The following NRIP1 variants were observed in gnomAD, a reference collection of about 807,000 sequenced individuals.
NRIP1 encodes the protein nuclear receptor-interacting protein 1.
In NRIP1, 28 loss-of-function variants were observed where a neutral mutation model predicts 75.0. That is an observed-to-expected ratio of 0.37 (90% CI 0.28 to 0.51). NRIP1 has a LOEUF of 0.51. Ranked by LOEUF, NRIP1 falls within the 20% of genes least tolerant of loss-of-function variation. The pLI is 0.92. For synonymous variants in NRIP1, 526 were observed against 487.6 expected (o/e 1.08, Z -1.04); for missense variants, 1,435 against 1,343.7 (o/e 1.07, Z -1.06).
intron 2 of NRIP1, among the ~76,000 whole-genome samples, chr21:15,041,531 T>A (rs2088954518): frequency 6.6e-6 from 1 of 152,170 alleles, no homozygotes; most frequent in Non-Finnish European, 1.5e-5. Flanking sequence ...TATGATTTCT[T>A]TTCAAAATAA....
chr21:15,052,148 C>T (rs2823026), intron 1 of NRIP1: 23,553 of 152,038 alleles, frequency 0.15, 2,278 homozygotes, highest in East Asian at 0.27. Flanking sequence ...TTCGAAGTAA[C>T]GCTGATACTG....
intron 3 of NRIP1, among the ~76,000 whole-genome samples, chr21:14,976,198 CTTTAAAG>C (rs2087062448): frequency 6.6e-6 from 1 of 151,904 alleles, no homozygotes; most frequent in South Asian, 2.1e-4. Flanking sequence ...CATAAAAATC[CTTTAAAG>C]TTTATAAAGT....
chr21:14,982,719 G>GTTTTTTTTTTT (rs10537533), intron 3 of NRIP1, among the ~76,000 whole-genome samples: 1 of 130,006 alleles, frequency 7.7e-6, no homozygotes. Flanking sequence ...TTTTTTTTTT[G>GTTTTTTTTTTT]TTTTTTTTTT....
chr21:15,038,826 C>A lies in NRIP1; in HGVS notation c.-458+4669G>T, dbSNP rs943205570. ...TCTTCTCCATGCATTCAATAAATAA[C>A]TAGTCTATAAACAGGTATGTCCTCC... On this transcript the variant is annotated intron_variant, in intron 2 of 3. Transcript: ENST00000318948. Among the ~76,000 whole-genome samples, 7 of 151,962 alleles carry A rather than the reference C, an allele frequency of 4.6e-5. No homozygotes were observed. The East Asian group carries it at 7.7e-4, about 17-fold the overall frequency.
intron 3 of NRIP1, among the ~76,000 whole-genome samples, chr21:14,978,642 A>G (rs1249622187): frequency 6.6e-6 from 1 of 152,216 alleles, no homozygotes; most frequent in Non-Finnish European, 1.5e-5. Context: ...CTGGTGACAG[A>G]AAGAAACACC....
chr21:14,983,092 T>C (rs2087291031), intron 3 of NRIP1, among the ~76,000 whole-genome samples: 2 of 152,150 alleles, frequency 1.3e-5, no homozygotes, highest in Non-Finnish European at 2.9e-5. Context: ...TCTGTGTGTT[T>C]TGCATGTCTC....
chr21:14,981,707 A>C (rs2087240244), intron 3 of NRIP1, among the ~76,000 whole-genome samples: 2 of 152,242 alleles, frequency 1.3e-5, no homozygotes, highest in Admixed American at 6.5e-5. Context: ...ATTTAATAAA[A>C]TTAAATCACT....
intron 2 of NRIP1, among the ~76,000 whole-genome samples, chr21:15,039,183 TC>T: frequency 6.6e-6 from 1 of 152,130 alleles, no homozygotes; most frequent in Admixed American, 6.5e-5. Flanking sequence ...GAAATGATTT[TC>T]TTTTCTTACT....
At chr21:15,030,858 C>CTCTGGAAGGTGTTCAGAGGTTCACCACA (rs2088635270) in intron 2 of NRIP1, among the ~76,000 whole-genome samples, 1 of 80,650 alleles carries the variant, frequency 1.2e-5, no homozygotes, top group Admixed American at 1.3e-4. Flanking sequence ...GGATCACTAC[C>CTCTGGAAGGTGTTCAGAGGTTCACCACA]TTCCCCTTCT....
intron 2 of NRIP1, among the ~76,000 whole-genome samples, chr21:15,024,584 G>C (rs1398250840): frequency 2.0e-5 from 3 of 151,420 alleles, no homozygotes; most frequent in Non-Finnish European, 2.9e-5. Flanking sequence ...GTGTGTGTGT[G>C]TGTGTGTGTG....
Position 14,963,474 on chromosome 21 carries a change from T to G in NRIP1, c.*1242A>C, listed in dbSNP as rs2086642326. The G allele has an allele frequency of 6.6e-6, 1 of 152,556 alleles. No individual in the cohort carries two copies. Among genetic ancestry groups the G allele is most frequent in the South Asian group, 2.1e-4 (1 of 4,824 alleles). The allele number at this position is 152,556 out of a possible 1,614,324, so 9.5% of individuals were successfully genotyped here. ...GTCATAAAAAGTGTTCTGAACCCGA[T>G]TTCCAAAGACATAACGGTAATATAT... On this transcript the variant is annotated 3_prime_UTR_variant, in exon 4 of 4. Coordinates refer to ENST00000318948, the MANE Select transcript of NRIP1 (RefSeq NM_003489.4).
intron 2 of NRIP1, among the ~76,000 whole-genome samples, chr21:15,031,777 A>G (rs2088701359): frequency 7.1e-6 from 1 of 141,418 alleles, no homozygotes; most frequent in African/African-American, 2.7e-5. Context: ...ATGTGTATAC[A>G]CTCTGGAAGG....
At chr21:14,990,601 C>T (rs2087542605) in intron 3 of NRIP1, among the ~76,000 whole-genome samples, 1 of 152,098 alleles carries the variant, frequency 6.6e-6, no homozygotes, top group South Asian at 2.1e-4. Flanking sequence ...AAGAAACAGC[C>T]AAGAGGTAAT....
chr21:15,007,073 C>T (rs895360403), intron 3 of NRIP1, among the ~76,000 whole-genome samples: 5 of 152,096 alleles, frequency 3.3e-5, no homozygotes, highest in Non-Finnish European at 7.4e-5. Flanking sequence ...GTGTGGTAGT[C>T]CAATGGGAGT....
At chr21:15,001,417 C>T (rs563486231) in intron 3 of NRIP1, among the ~76,000 whole-genome samples, 1 of 152,176 alleles carries the variant, frequency 6.6e-6, no homozygotes, top group East Asian at 1.9e-4. Flanking sequence ...TTAAGAATGC[C>T]TAAAAATGCC....
intron 2 of NRIP1, among the ~76,000 whole-genome samples, chr21:15,034,254 TTTTC>T (rs1286922809): frequency 7.2e-5 from 11 of 152,350 alleles, no homozygotes; most frequent in African/African-American, 2.6e-4. Flanking sequence ...GAGCCTTTTA[TTTTC>T]TTGCAGTCAG....
At chr21:15,044,838 T>C (rs1484932711) in intron 1 of NRIP1, among the ~76,000 whole-genome samples, 1 of 152,184 alleles carries the variant, frequency 6.6e-6, no homozygotes, top group Non-Finnish European at 1.5e-5. Context: ...ATCTTGCTTA[T>C]TGTTATTCTC....
chr21:14,964,512 C>T lies in NRIP1; in HGVS notation c.*204G>A. 2.3e-6 allele frequency: 1 copy of T among 442,316 alleles called. No homozygotes were observed. Among genetic ancestry groups the T allele is most frequent in the South Asian group, 5.7e-5 (1 of 17,426 alleles). The allele number at this position is 442,316 out of a possible 1,614,324, so 27.4% of individuals were successfully genotyped here. ...TACAGAAGTGTTAAACAACCAATTG[C>T]TAGTTCAGTAGTTTCCTCATGACAT... On this transcript the variant is annotated 3_prime_UTR_variant, in exon 4 of 4. Coordinates refer to ENST00000318948, the MANE Select transcript of NRIP1 (RefSeq NM_003489.4).
rs753624854 is a variant in NRIP1 at position 14,966,909 on chromosome 21, G to A, written c.1284C>T (p.Ser428=). ...TGGAATAAGAACTTTCATCACCACT[G>A]CTGTCATCTGTAAAACTAGGATTGT... ...SDNNPSFTDD[S]SGDESSYSNC... is the part of the protein sequence containing the mutation. Residue 428 remains serine (S), a synonymous_variant, in exon 4 of 4, where the codon AGC becomes AGT. Coordinates refer to ENST00000318948, the MANE Select transcript of NRIP1 (RefSeq NM_003489.4). The A allele has an allele frequency of 6.2e-7, 1 of 1,614,076 alleles. No individual in the cohort carries two copies. Among genetic ancestry groups the A allele is most frequent in the Non-Finnish European group, 8.5e-7 (1 of 1,179,960 alleles).
Sources: allele counts gnomAD v4.1 joint callset (sites outside exome capture counted in the v4.1 genomes callset), GRCh38; gene constraint gnomAD v4.1.1; transcripts MANE v1.5; gene names NCBI Gene and HGNC (gene_info 2026-07-23, HGNC 2026-07-21).